ROBO2: variants seen among roughly 807,000 people sequenced by gnomAD.
ROBO2 encodes the protein roundabout homolog 2.
In ROBO2, 53 loss-of-function variants were observed where a neutral mutation model predicts 160.8. The ratio of observed to expected loss-of-function variants is 0.33; its 90% CI spans 0.26 to 0.41. The LOEUF (loss-of-function observed/expected upper bound fraction) is 0.41. Among genes scored for constraint, ROBO2 ranks in the 10% least tolerant of loss-of-function variants. ROBO2 has a pLI of 1.00. For synonymous variants in ROBO2, 664 were observed against 611.7 expected (o/e 1.09, Z -1.26); for missense variants, 1,577 against 1,722.4 (o/e 0.92, Z 1.49).
chr3:76,926,758 C>T (rs1235866744), intron 2 of ROBO2, among the ~76,000 whole-genome samples: 1 of 152,156 alleles, frequency 6.6e-6, no homozygotes, highest in African/African-American at 2.4e-5. Flanking sequence ...AATGAAGCTG[C>T]AGATCTCCAG....
intron 1 of ROBO2, among the ~76,000 whole-genome samples, chr3:77,071,408 A>T (rs2067397812): frequency 6.6e-6 from 1 of 152,218 alleles, no homozygotes; most frequent in Non-Finnish European, 1.5e-5. Context: ...ATTGTTGTAT[A>T]ATGACTACTT....
intron 20 of ROBO2, among the ~76,000 whole-genome samples, chr3:77,607,112 T>A (rs2094540625): frequency 6.6e-6 from 1 of 152,236 alleles, no homozygotes. Context: ...TGAATTCATT[T>A]GTATTAGAAT....
intron 2 of ROBO2, among the ~76,000 whole-genome samples, chr3:76,823,733 T>C (rs2066321498): frequency 1.3e-5 from 2 of 152,118 alleles, no homozygotes; most frequent in African/African-American, 4.8e-5. Context: ...AATAAATTTA[T>C]TTAATTGGAC....
chr3:76,092,509 AG>A (rs2108103481), intron 2 of ROBO2, among the ~76,000 whole-genome samples: 1 of 152,298 alleles, frequency 6.6e-6, no homozygotes, highest in Non-Finnish European at 1.5e-5. Flanking sequence ...CCTAAGTTAA[AG>A]AATTAAGAAT....
At chr3:75,931,062 A>G (rs2106934733) in intron 1 of ROBO2, among the ~76,000 whole-genome samples, 1 of 152,336 alleles carries the variant, frequency 6.6e-6, no homozygotes, top group Admixed American at 6.5e-5. Context: ...AGACCTGTAC[A>G]GTTTCACATA....
At position 77,090,704 on chromosome 3, in the gene ROBO2, G is replaced by A. The variant is rs551817999; in HGVS notation, c.62-7310G>A. On this transcript the variant is annotated intron_variant, in intron 1 of 25. Coordinates refer to ENST00000461745, the Ensembl canonical transcript of ROBO2. Reference sequence around the variant, plus strand: ...TCCTGATCTACCTGTTACAAATGAGGCATGAACGTTAACTGATCAATAACC... The same window carrying A: ...TCCTGATCTACCTGTTACAAATGAGACATGAACGTTAACTGATCAATAACC... 3.3e-5 allele frequency among the ~76,000 whole-genome samples: 5 copies of A among 152,110 alleles called. No homozygotes were observed. The South Asian group carries it at 6.2e-4, about 19-fold the overall frequency.
At chr3:77,041,362 A>T (rs537043879) in intron 1 of ROBO2, among the ~76,000 whole-genome samples, 1 of 152,330 alleles carries the variant, frequency 6.6e-6, no homozygotes, top group African/African-American at 2.4e-5. Flanking sequence ...TGAAGAATTT[A>T]GATCCTAGGG....
At chr3:77,610,239 A>G (rs896326499) in intron 21 of ROBO2, among the ~76,000 whole-genome samples, 4 of 152,166 alleles carry the variant, frequency 2.6e-5, no homozygotes, top group Non-Finnish European at 2.9e-5. Context: ...ATCTTCTAGA[A>G]AATTTTTCTA....
intron 2 of ROBO2, among the ~76,000 whole-genome samples, chr3:76,591,543 A>G (rs1489838297): frequency 6.6e-6 from 1 of 152,000 alleles, no homozygotes; most frequent in African/African-American, 2.4e-5. Flanking sequence ...AATAATACAA[A>G]CCTCCTGAAT....
intron 2 of ROBO2, among the ~76,000 whole-genome samples, chr3:77,025,125 C>T (rs2062884610): frequency 6.6e-6 from 1 of 152,162 alleles, no homozygotes; most frequent in African/African-American, 2.4e-5. Context: ...AGGGAAGTCA[C>T]CCTAAACTTC....
At chr3:77,434,537 C>G (rs888116347) in intron 2 of ROBO2, among the ~76,000 whole-genome samples, 2 of 152,064 alleles carry the variant, frequency 1.3e-5, no homozygotes, top group African/African-American at 4.8e-5. Flanking sequence ...CACTTGCATA[C>G]TTGTTAGATA....
intron 2 of ROBO2, among the ~76,000 whole-genome samples, chr3:77,412,317 C>A (rs77664373): frequency 0.03 from 4,586 of 152,290 alleles, 101 homozygotes; most frequent in East Asian, 0.077. Context: ...CTGGAAAACT[C>A]CAAGTACAGA....
At chr3:76,568,707 TTATTTTAAGAATCTGTGAGATATATTG>T (rs1466203821) in intron 2 of ROBO2, among the ~76,000 whole-genome samples, 1 of 152,122 alleles carries the variant, frequency 6.6e-6, no homozygotes, top group Non-Finnish European at 1.5e-5. Flanking sequence ...ATAATCAAGA[TTATTTTAAGAATCTGTGAGATATATTG>T]TACCTTATTT....
At chr3:77,144,267 C>T (rs2076948671) in intron 2 of ROBO2, among the ~76,000 whole-genome samples, 1 of 152,176 alleles carries the variant, frequency 6.6e-6, no homozygotes, top group South Asian at 2.1e-4. Flanking sequence ...GGCTTACTCT[C>T]CCACACATTC....
intron 2 of ROBO2, among the ~76,000 whole-genome samples, chr3:76,411,011 G>C (rs2075456989): frequency 6.6e-6 from 1 of 151,926 alleles, no homozygotes; most frequent in Admixed American, 6.6e-5. Context: ...TCCATCCAGG[G>C]ACCTGGATTT....
chr3:77,380,448 C>T (rs1395010085), intron 2 of ROBO2, among the ~76,000 whole-genome samples: 3 of 152,012 alleles, frequency 2.0e-5, no homozygotes, highest in East Asian at 1.9e-4. Flanking sequence ...CCAAGTGTAA[C>T]GTCATGTTAA....
chr3:76,192,054 G>A (rs150790807), intron 2 of ROBO2, among the ~76,000 whole-genome samples: 3 of 151,936 alleles, frequency 2.0e-5, no homozygotes, highest in East Asian at 1.9e-4. Flanking sequence ...CCTCACCTTC[G>A]ATTGGCTTAC....
chr3:76,004,354 G>T (rs957571317), intron 2 of ROBO2, among the ~76,000 whole-genome samples: 2 of 152,122 alleles, frequency 1.3e-5, no homozygotes, highest in African/African-American at 2.4e-5. Flanking sequence ...AATCTGAGTG[G>T]GGTAGACAGG....
intron 2 of ROBO2, among the ~76,000 whole-genome samples, chr3:76,401,668 A>G (rs2077824079): frequency 6.6e-6 from 1 of 151,504 alleles, no homozygotes; most frequent in Non-Finnish European, 1.5e-5. Flanking sequence ...CAATAAATTT[A>G]TGGTACAGAT....
Sources: gnomAD v4.1 joint callset for allele counts (sites outside exome capture counted in the v4.1 genomes callset) on GRCh38, gnomAD v4.1.1 for gene constraint, MANE v1.5 for transcripts, NCBI Gene and HGNC (gene_info 2026-07-23, HGNC 2026-07-21) for gene names.